The following PAPPA variants were observed in gnomAD, a reference collection of about 807,000 sequenced individuals.
PAPPA encodes the protein pappalysin 1.
Under a neutral mutation model 164.0 loss-of-function variants are expected in PAPPA, and 60 were observed. That is an observed-to-expected ratio of 0.37 (90% CI 0.30 to 0.45). The LOEUF (loss-of-function observed/expected upper bound fraction) is 0.45. Among genes scored for constraint, PAPPA ranks in the 20% least tolerant of loss-of-function variants. The probability of loss-of-function intolerance (pLI) is 1.00; values close to 1 mark genes in which losing one functional copy is unlikely to be tolerated. For synonymous variants in PAPPA, 875 were observed against 814.1 expected (o/e 1.07, Z -1.27); for missense variants, 1,782 against 2,087.3 (o/e 0.85, Z 2.85).
intron 10 of PAPPA, among the ~76,000 whole-genome samples, chr9:116,310,437 G>C (rs1376248461): frequency 6.6e-6 from 1 of 152,136 alleles, no homozygotes; most frequent in Non-Finnish European, 1.5e-5. Context: ...AAAGTACCAT[G>C]GTCTAGTTCA....
chr9:116,162,587 C>T (rs1466606831), intron 1 of PAPPA, among the ~76,000 whole-genome samples: 4 of 152,160 alleles, frequency 2.6e-5, no homozygotes, highest in African/African-American at 7.2e-5. Context: ...CTTAGTATCT[C>T]CAAGCTTCAC....
chr9:116,392,450 G>C (rs2118729603), intron 21 of PAPPA, among the ~76,000 whole-genome samples: 1 of 152,286 alleles, frequency 6.6e-6, no homozygotes, highest in East Asian at 1.9e-4. Flanking sequence ...GTCTCCCAAG[G>C]TGGTGCAGAG....
intron 12 of PAPPA, among the ~76,000 whole-genome samples, chr9:116,333,965 G>T (rs1317420727): frequency 1.3e-5 from 2 of 152,116 alleles, no homozygotes; most frequent in Admixed American, 1.3e-4. Flanking sequence ...CTTCCACATG[G>T]GAGATTTCTC....
intron 7 of PAPPA, among the ~76,000 whole-genome samples, chr9:116,245,473 G>A (rs981845264): frequency 2.6e-5 from 4 of 152,110 alleles, no homozygotes; most frequent in African/African-American, 9.7e-5. Context: ...AATCCATTTA[G>A]GGTTGACTGC....
intron 12 of PAPPA, among the ~76,000 whole-genome samples, chr9:116,334,500 AG>A (rs1458456653): frequency 6.6e-6 from 1 of 152,128 alleles, no homozygotes; most frequent in African/African-American, 2.4e-5. Context: ...CTGACCAGGC[AG>A]GCAGCCTGAA....
At chr9:116,231,705 GGATGGATGGATGGAT>G (rs1844596117) in intron 6 of PAPPA, among the ~76,000 whole-genome samples, 1 of 94,604 alleles carries the variant, frequency 1.1e-5, no homozygotes, top group Admixed American at 1.2e-4. Context: ...ATGGATGGAT[GGATGGATGGATGGAT>G]AGTGTCTGTG....
intron 21 of PAPPA, among the ~76,000 whole-genome samples, chr9:116,395,390 CTG>C (rs1371118581): frequency 6.6e-6 from 1 of 152,202 alleles, no homozygotes; most frequent in Non-Finnish European, 1.5e-5. Flanking sequence ...AAGATTCTCT[CTG>C]AGACTACGTG....
At chr9:116,253,860 C>A (rs566889477) in intron 7 of PAPPA, among the ~76,000 whole-genome samples, 1 of 152,284 alleles carries the variant, frequency 6.6e-6, no homozygotes, top group Non-Finnish European at 1.5e-5. Flanking sequence ...CCAAAATTTT[C>A]TAGGTACTCA....
chr9:116,203,322 G>A (rs1844193144), intron 2 of PAPPA, among the ~76,000 whole-genome samples: 1 of 152,194 alleles, frequency 6.6e-6, no homozygotes, highest in African/African-American at 2.4e-5. Flanking sequence ...TGCTCATCCT[G>A]TTTTGAAACT....
intron 10 of PAPPA, among the ~76,000 whole-genome samples, chr9:116,319,382 G>A (rs992728549): frequency 6.6e-6 from 1 of 152,220 alleles, no homozygotes; most frequent in East Asian, 1.9e-4. Context: ...ATGCCTGGCT[G>A]TACTGTCTGC....
At position 116,399,098 on chromosome 9, in the gene PAPPA, C is replaced by T. The variant is rs941965038; in HGVS notation, c.*2482C>T. On this transcript the variant is annotated 3_prime_UTR_variant, in exon 22 of 22. Transcript: ENST00000328252. ...TGTGATTTCAGGAGCCACAGAAGAA[C>T]CTTACCAGCTTCCCTCAAATCAGTC... 6.0e-6 allele frequency: 1 copy of T among 165,994 alleles called. No homozygotes were observed. The highest frequency in any genetic ancestry group is 1.3e-5 in the Non-Finnish European group (1 of 77,124). 10.3% of individuals were successfully genotyped at this position (165,994 alleles called of 1,614,324 possible).
chr9:116,207,678 C>T (rs574818422), intron 3 of PAPPA, 77 bp downstream of exon 3: 99 of 1,081,326 alleles, frequency 9.2e-5, no homozygotes, highest in Admixed American at 1.2e-4. Context: ...ATCATTGTTA[C>T]GATCATGATG....
intron 10 of PAPPA, among the ~76,000 whole-genome samples, chr9:116,311,654 C>T (rs968865859): frequency 5.3e-5 from 8 of 152,298 alleles, no homozygotes; most frequent in Admixed American, 3.9e-4. Flanking sequence ...GTTTTCTGAG[C>T]CTCAATTGTC....
intron 13 of PAPPA, among the ~76,000 whole-genome samples, chr9:116,341,273 T>G (rs563074349): frequency 1.3e-4 from 20 of 152,194 alleles, no homozygotes; most frequent in Admixed American, 1.2e-3. Flanking sequence ...ACTCCTGACC[T>G]CAAGTGATCT....
At chr9:116,234,899 T>C (rs1844641089) in intron 6 of PAPPA, among the ~76,000 whole-genome samples, 1 of 151,984 alleles carries the variant, frequency 6.6e-6, no homozygotes, top group African/African-American at 2.4e-5. Context: ...GACTCGGTAG[T>C]GAGATGAAAG....
intron 21 of PAPPA, among the ~76,000 whole-genome samples, chr9:116,383,928 C>T (rs1846767831): frequency 6.6e-6 from 1 of 151,954 alleles, no homozygotes. Flanking sequence ...TTGGAAAATT[C>T]AGAAAGAAGA....
At chr9:116,249,030 G>A (rs1317461260) in intron 7 of PAPPA, among the ~76,000 whole-genome samples, 1 of 152,180 alleles carries the variant, frequency 6.6e-6, no homozygotes, top group Non-Finnish European at 1.5e-5. Context: ...GTGTAATTCT[G>A]TGTTTCATTC....
chr9:116,271,629 G>T lies in PAPPA; in HGVS notation c.2953+213G>T, dbSNP rs923481918. Among the ~76,000 whole-genome samples the T allele has an allele frequency of 2.9e-4, 44 of 152,154 alleles. No individual in the cohort carries two copies. Among genetic ancestry groups the T allele is most frequent in the Non-Finnish European group, 5.9e-5 (4 of 68,046 alleles). ...AAACAAACAAAGCAATCCCTCAAGAGCTTAAGCTCTCATAGATGATGCCAA... is the reference window on the plus strand; with the variant it reads ...AAACAAACAAAGCAATCCCTCAAGATCTTAAGCTCTCATAGATGATGCCAA... On this transcript the variant is annotated intron_variant, in intron 9 of 21. Transcript: ENST00000328252. This position sits in a 1 kb window ranked among gnomAD's most constrained non-coding sequence, Gnocchi z 4.2.
intron 9 of PAPPA, among the ~76,000 whole-genome samples, chr9:116,292,070 T>A (rs761530899): frequency 6.6e-6 from 1 of 152,208 alleles, no homozygotes; most frequent in African/African-American, 2.4e-5. Context: ...AAGGAATAGA[T>A]ACTTGTTGTG....
Sources: allele counts gnomAD v4.1 joint callset (sites outside exome capture counted in the v4.1 genomes callset), GRCh38; gene constraint gnomAD v4.1.1; non-coding constraint Gnocchi (gnomAD v3.1); transcripts MANE v1.5; gene names NCBI Gene and HGNC (gene_info 2026-07-23, HGNC 2026-07-21).